The following CACNA1C variants were observed in gnomAD, a reference collection of about 807,000 sequenced individuals.
CACNA1C encodes the protein voltage-dependent L-type calcium channel subunit alpha-1C.
CACNA1C carries 30 observed loss-of-function variants against 229.0 expected under a neutral mutation model. The observed-to-expected ratio is 0.13, with a 90% CI of 0.10 to 0.18. The LOEUF (loss-of-function observed/expected upper bound fraction) is 0.18, where lower values mean the gene tolerates loss of function less well. CACNA1C is among the 10% of genes least tolerant of loss of function. The pLI is 1.00. For missense variants in CACNA1C, 1,658 were observed against 2,845.0 expected (o/e 0.58, Z 9.49); for synonymous variants, 1,114 against 1,132.5 (o/e 0.98, Z 0.33).
chr12:2,045,357 G>T (rs958139874), intron 1 of CACNA1C, among the ~76,000 whole-genome samples: 1 of 152,152 alleles, frequency 6.6e-6, no homozygotes, highest in Non-Finnish European at 1.5e-5. Flanking sequence ...AACTGGCCTG[G>T]AACAGTTAAG....
Position 2,654,460 on chromosome 12 carries a change from C to T in CACNA1C, c.4140+560C>T, listed in dbSNP as rs917619707. On this transcript the variant is annotated intron_variant, in intron 33 of 46. Transcript: ENST00000399655. The surrounding 1 kb of genome is among the most constrained non-coding windows in gnomAD (Gnocchi z 4.4). ...GCCCACTGCACCATTCACCGCAAAC[C>T]TAGGGCTCTCCATTCCCGTCTTGGG... Among the ~76,000 whole-genome samples, 1 of 152,194 alleles carries T rather than the reference C, an allele frequency of 6.6e-6. No homozygotes were observed. Among genetic ancestry groups the T allele is most frequent in the African/African-American group, 2.4e-5 (1 of 41,456 alleles).
In CACNA1C at chr12:2,647,615, G is replaced by A. The variant is rs796803051; in HGVS notation, c.3913-860G>A. Among the ~76,000 whole-genome samples, 49 of 152,314 alleles carry A rather than the reference G, an allele frequency of 3.2e-4. No individual in the cohort carries two copies. The highest frequency in any genetic ancestry group is 1.0e-3 in the African/African-American group (43 of 41,560). The stretch of plus-strand genomic sequence containing the variant: ...TCAGAACAAGCCCCATTATGGAGTG[G>A]GTTGAGGCCACCTCTGGAGGCCCTC... On this transcript the variant is annotated intron_variant, in intron 30 of 46. Coordinates refer to ENST00000399655, the MANE Select transcript of CACNA1C (RefSeq NM_000719.7). The surrounding 1 kb of genome is among the most constrained non-coding windows in gnomAD (Gnocchi z 4.2).
chr12:2,187,330 G>A (rs1163183000), intron 3 of CACNA1C, among the ~76,000 whole-genome samples: 1 of 152,174 alleles, frequency 6.6e-6, no homozygotes, highest in South Asian at 2.1e-4. Flanking sequence ...AGGAACCTCT[G>A]TGCAAAGCCA....
intron 3 of CACNA1C, among the ~76,000 whole-genome samples, chr12:2,356,014 T>C (rs2097351617): frequency 1.3e-5 from 2 of 152,212 alleles, no homozygotes; most frequent in Non-Finnish European, 2.9e-5. Flanking sequence ...GGTGAGACAT[T>C]GCATTTAGTT....
chr12:2,670,281 CG>C (rs2096487702), intron 38 of CACNA1C, among the ~76,000 whole-genome samples: 1 of 152,152 alleles, frequency 6.6e-6, no homozygotes, highest in South Asian at 2.1e-4. Flanking sequence ...GTGTGTTCCT[CG>C]GGGCAACAGA....
At chr12:2,161,780 G>C (rs1163131382) in intron 3 of CACNA1C, among the ~76,000 whole-genome samples, 1 of 152,198 alleles carries the variant, frequency 6.6e-6, no homozygotes, top group Non-Finnish European at 1.5e-5. Context: ...AGCCAGGCTG[G>C]AGACCGTATA....
intron 15 of CACNA1C, among the ~76,000 whole-genome samples, chr12:2,583,436 A>G (rs1015218996): frequency 6.6e-6 from 1 of 152,148 alleles, no homozygotes; most frequent in African/African-American, 2.4e-5. Context: ...ACAGACTTCA[A>G]ACAGCCCCAA....
chr12:2,004,224 ACGCCC>A lies in CACNA1C; in HGVS notation c.139+33025_139+33029del, dbSNP rs768048781. 10 of 1,594,374 alleles carry A rather than the reference ACGCCC, an allele frequency of 6.3e-6. No individual in the cohort carries two copies. In the East Asian group the frequency reaches 1.8e-4, roughly 29 times the overall value. Reference sequence around the variant, plus strand: ...ACCGGGTCCTCAAGTCCTGAGTCTGACGCCCCCCGCCTCCACCCCAACCCTGGGCT... The same window carrying A: ...ACCGGGTCCTCAAGTCCTGAGTCTGACCCGCCTCCACCCCAACCCTGGGCT... On this transcript the variant is annotated intron_variant, in intron 1 of 46. Transcript: ENST00000682462.
chr12:2,285,157 A>G lies in CACNA1C; in HGVS notation c.478-163819A>G, dbSNP rs574147182. The stretch of plus-strand genomic sequence containing the variant: ...CTGTAGAAACACTCTGTTTCTCTCC[A>G]TTCCATCCCTGCGTGTTACCTAGCA... On this transcript the variant is annotated intron_variant, in intron 3 of 46. Transcript: ENST00000399655. This position sits in a 1 kb window ranked among gnomAD's most constrained non-coding sequence, Gnocchi z 4.2. Among the ~76,000 whole-genome samples the G allele has an allele frequency of 2.0e-4, 30 of 152,216 alleles. No individual in the cohort carries two copies. In the East Asian group the frequency reaches 5.6e-3, roughly 28 times the overall value.
chr12:2,396,020 G>A (rs886647982), intron 3 of CACNA1C, among the ~76,000 whole-genome samples: 5 of 152,114 alleles, frequency 3.3e-5, no homozygotes, highest in Non-Finnish European at 5.9e-5. Context: ...CCTGGTGCCC[G>A]TCCCCATGGT....
Position 2,440,679 on chromosome 12 carries a change from G to A in CACNA1C, c.478-8297G>A, listed in dbSNP as rs188186568. On this transcript the variant is annotated intron_variant, in intron 3 of 46. Transcript: ENST00000399655. ...TTTCAGACAGTCCATGGATAGAGAC[G>A]GCCGTGCTTCAGCAGAAGGAATGTC... 2.6e-5 allele frequency among the ~76,000 whole-genome samples: 4 copies of A among 152,290 alleles called. No individual in the cohort carries two copies. In the East Asian group the frequency reaches 7.7e-4, roughly 29 times the overall value.
intron 5 of CACNA1C, among the ~76,000 whole-genome samples, chr12:2,464,689 T>C (rs948235044): frequency 5.5e-4 from 84 of 152,226 alleles, no homozygotes; most frequent in African/African-American, 1.8e-3. Flanking sequence ...ATGTCCCTTT[T>C]GTCAGTAAAA....
intron 3 of CACNA1C, among the ~76,000 whole-genome samples, chr12:2,243,531 A>G (rs927224416): frequency 1.6e-4 from 25 of 152,180 alleles, no homozygotes; most frequent in Non-Finnish European, 3.5e-4. Flanking sequence ...AGAAGACCAC[A>G]TGGGGGGATG....
chr12:2,449,964 C>T (rs567847780), intron 4 of CACNA1C, among the ~76,000 whole-genome samples: 127 of 152,208 alleles, frequency 8.3e-4, no homozygotes, highest in Middle Eastern at 3.4e-3. Flanking sequence ...GGTTCTGTGG[C>T]CCCAGAAAAC....
chr12:2,314,971 G>A (rs183108894), intron 3 of CACNA1C, among the ~76,000 whole-genome samples: 110 of 152,260 alleles, frequency 7.2e-4, no homozygotes, highest in African/African-American at 2.6e-3. Flanking sequence ...AGCCCCTGCC[G>A]ACTTGCCTTT....
chr12:2,395,687 T>A (rs144801151), intron 3 of CACNA1C, among the ~76,000 whole-genome samples: 365 of 152,250 alleles, frequency 2.4e-3, no homozygotes, highest in African/African-American at 8.4e-3. Context: ...TAGAGCTGTT[T>A]CCTTTTTCCA....
At chr12:2,430,426 G>T (rs1235993158) in intron 3 of CACNA1C, among the ~76,000 whole-genome samples, 3 of 152,134 alleles carry the variant, frequency 2.0e-5, no homozygotes, top group African/African-American at 7.2e-5. Context: ...TCATGGCAAA[G>T]TGACCCAGAT....
At chr12:2,204,714 A>G (rs1249261843) in intron 3 of CACNA1C, among the ~76,000 whole-genome samples, 1 of 142,422 alleles carries the variant, frequency 7.0e-6, no homozygotes, top group East Asian at 2.1e-4. Context: ...AACACTGCAT[A>G]TTCTCACTCA....
chr12:2,585,214 CTG>C lies in CACNA1C; in HGVS notation c.2340-161_2340-160del, dbSNP rs1390270254. On this transcript the variant is annotated intron_variant, in intron 16 of 46. Coordinates refer to ENST00000399655, the MANE Select transcript of CACNA1C (RefSeq NM_000719.7). The surrounding 1 kb of genome is among the most constrained non-coding windows in gnomAD (Gnocchi z 4.1). ...TAGCTCAGCCCCATAGCACTTGTGA[CTG>C]AGCTGCACACGAGAAGCGTCCTGGA... Among the ~76,000 whole-genome samples, 5 of 152,218 alleles carry C rather than the reference CTG, an allele frequency of 3.3e-5. No homozygotes were observed. The highest frequency in any genetic ancestry group is 7.3e-5 in the Non-Finnish European group (5 of 68,036).
Sources: allele counts gnomAD v4.1 joint callset (sites outside exome capture counted in the v4.1 genomes callset), GRCh38; gene constraint gnomAD v4.1.1; non-coding constraint Gnocchi (gnomAD v3.1); transcripts MANE v1.5; gene names NCBI Gene and HGNC (gene_info 2026-07-23, HGNC 2026-07-21).